Variants in EIF4G3 observed in about 807,000 individuals in gnomAD.
The protein encoded by EIF4G3 is eukaryotic translation initiation factor 4 gamma 3, also known as eIF-4-gamma 3.
Under a neutral mutation model 186.4 loss-of-function variants are expected in EIF4G3, and 34 were observed. That is an observed-to-expected ratio of 0.18 (90% CI 0.14 to 0.24). The LOEUF (loss-of-function observed/expected upper bound fraction) is 0.24. Among genes scored for constraint, EIF4G3 ranks in the 10% least tolerant of loss-of-function variants. The probability of loss-of-function intolerance (pLI) is 1.00; values close to 1 mark genes in which losing one functional copy is unlikely to be tolerated. For missense variants in EIF4G3, 1,536 were observed against 1,948.5 expected (o/e 0.79, Z 3.99); for synonymous variants, 673 against 679.5 (o/e 0.99, Z 0.15).
At chr1:20,894,963 T>C (rs540604544) in intron 17 of EIF4G3, among the ~76,000 whole-genome samples, 2 of 152,326 alleles carry the variant, frequency 1.3e-5, no homozygotes, top group South Asian at 4.1e-4. Context: ...TTATGTTTGA[T>C]CTGCCAAATA....
At chr1:21,143,139 C>T (rs1006552737) in intron 2 of EIF4G3, among the ~76,000 whole-genome samples, 6 of 152,064 alleles carry the variant, frequency 3.9e-5, no homozygotes, top group Admixed American at 1.3e-4. Context: ...ATCCCAGCTA[C>T]TAGGGAGGTT....
chr1:21,060,838 T>C (rs1203577244), intron 3 of EIF4G3, among the ~76,000 whole-genome samples: 1 of 149,284 alleles, frequency 6.7e-6, no homozygotes, highest in Non-Finnish European at 1.5e-5. Flanking sequence ...CCACAACTAA[T>C]GGTGGCTTAG....
intron 15 of EIF4G3, 76 bp downstream of exon 15, chr1:20,904,807 A>G (rs2091569152): frequency 2.0e-6 from 2 of 1,014,110 alleles, no homozygotes; most frequent in Non-Finnish European, 2.8e-6. Context: ...AACTATTTCA[A>G]TAAATAGGTA....
At chr1:21,044,560 T>C (rs1385515249) in intron 4 of EIF4G3, among the ~76,000 whole-genome samples, 3 of 152,204 alleles carry the variant, frequency 2.0e-5, no homozygotes, top group African/African-American at 4.8e-5. Context: ...AAACTCAGAA[T>C]TTATATTCTT....
intron 28 of EIF4G3, among the ~76,000 whole-genome samples, chr1:20,850,121 C>A (rs532119669): frequency 6.6e-6 from 1 of 152,278 alleles, no homozygotes; most frequent in South Asian, 2.1e-4. Flanking sequence ...TCCTTCATAG[C>A]ACCTTTCTCA....
intron 14 of EIF4G3, among the ~76,000 whole-genome samples, chr1:20,932,276 T>C (rs1166910184): frequency 1.3e-5 from 2 of 152,216 alleles, no homozygotes; most frequent in Non-Finnish European, 2.9e-5. Context: ...AAGGGAATGT[T>C]GTGGCTGGTT....
At chr1:21,034,775 C>T (rs1289347586) in intron 4 of EIF4G3, among the ~76,000 whole-genome samples, 2 of 152,156 alleles carry the variant, frequency 1.3e-5, no homozygotes, top group African/African-American at 4.8e-5. Flanking sequence ...TCCCGTACTT[C>T]GGCAGTAGGC....
chr1:21,063,061 T>C (rs1303978420), intron 3 of EIF4G3, among the ~76,000 whole-genome samples: 1 of 152,178 alleles, frequency 6.6e-6, no homozygotes, highest in Non-Finnish European at 1.5e-5. Context: ...ATTTATTTTT[T>C]TAATTTTTTT....
intron 28 of EIF4G3, among the ~76,000 whole-genome samples, chr1:20,850,564 A>C (rs1463573576): frequency 6.6e-6 from 1 of 152,224 alleles, no homozygotes; most frequent in East Asian, 1.9e-4. Context: ...ATAATCTTCA[A>C]TTTAAACTGT....
chr1:20,922,043 G>T (rs1435470939), intron 14 of EIF4G3, among the ~76,000 whole-genome samples: 2 of 152,218 alleles, frequency 1.3e-5, no homozygotes, highest in East Asian at 1.9e-4. Context: ...ATTTGGTATT[G>T]GTATTGTCTG....
intron 3 of EIF4G3, among the ~76,000 whole-genome samples, chr1:21,074,670 G>C (rs1322648678): frequency 6.6e-6 from 1 of 152,110 alleles, no homozygotes; most frequent in East Asian, 1.9e-4. Flanking sequence ...TGGCTAAGAA[G>C]AAAGTTCTTT....
intron 6 of EIF4G3, chr1:20,998,873 T>C (rs768957653): frequency 9.6e-6 from 4 of 417,194 alleles, no homozygotes; most frequent in Non-Finnish European, 1.9e-5. Flanking sequence ...GGAGCAAAAA[T>C]ATATGTCTTT....
chr1:21,012,638 G>C (rs149237000), intron 4 of EIF4G3, among the ~76,000 whole-genome samples: 2,216 of 152,226 alleles, frequency 0.015, 32 homozygotes, highest in Middle Eastern at 0.027. Context: ...GATTCACAAA[G>C]AATAAACTTT....
chr1:20,877,356 C>T (rs896301395), intron 20 of EIF4G3, among the ~76,000 whole-genome samples: 2 of 152,160 alleles, frequency 1.3e-5, no homozygotes, highest in Non-Finnish European at 2.9e-5. Flanking sequence ...GTTAAATAAT[C>T]CCTGATTTGA....
At position 20,886,217 on chromosome 1, in the gene EIF4G3, T is replaced by G; in HGVS notation, c.2408A>C (p.Glu803Ala). ...TGTTCTCACCTGGGTTTTAATGTTT[T>G]CGGGATCATCGGCTTGGCTGTCTCG... Reference protein sequence around the residue: ...QKRDSQADDPENIKTQELFRK... With the variant: ...QKRDSQADDPANIKTQELFRK... The change falls in exon 19 of 37, where the codon GAA (glutamate) becomes GCA (alanine). Residue 803 changes from glutamate to alanine, a missense_variant. This residue lies in a region of EIF4G3 where 139 missense variants were observed against 192.8 expected (regional missense o/e 0.72). Transcript: ENST00000602326. The G allele has an allele frequency of 6.2e-7, 1 of 1,613,454 alleles. No homozygotes were observed. Among genetic ancestry groups the G allele is most frequent in the Non-Finnish European group, 8.5e-7 (1 of 1,179,814 alleles).
chr1:21,171,780 A>T (rs946882691), intron 2 of EIF4G3, among the ~76,000 whole-genome samples: 3 of 152,232 alleles, frequency 2.0e-5, no homozygotes, highest in Non-Finnish European at 4.4e-5. Flanking sequence ...TGCCTGAAGC[A>T]GTTGCATGGT....
At chr1:21,061,300 G>C (rs1358663109) in intron 3 of EIF4G3, among the ~76,000 whole-genome samples, 2 of 152,014 alleles carry the variant, frequency 1.3e-5, no homozygotes, top group African/African-American at 2.4e-5. Context: ...TGAGCATCAT[G>C]TTGGCACTCC....
intron 4 of EIF4G3, among the ~76,000 whole-genome samples, chr1:21,025,880 T>C (rs1354648402): frequency 2.0e-5 from 3 of 152,152 alleles, no homozygotes; most frequent in East Asian, 1.9e-4. Flanking sequence ...GTCCTTGCCA[T>C]GAGAGTGGAT....
At chr1:21,007,538 C>CAAAAAAAAA (rs1471121881) in intron 4 of EIF4G3, among the ~76,000 whole-genome samples, 8 of 58,486 alleles carry the variant, frequency 1.4e-4, no homozygotes, top group Admixed American at 3.0e-4. Context: ...AAAAAAAAAA[C>CAAAAAAAAA]ACACTCAAAA....
Sources: gnomAD v4.1 joint callset for allele counts (sites outside exome capture counted in the v4.1 genomes callset) on GRCh38, gnomAD v4.1.1 for gene constraint, gnomAD v4.1.1 regional missense constraint, MANE v1.5 for transcripts, NCBI Gene and HGNC (gene_info 2026-07-23, HGNC 2026-07-21) for gene names.